The following SAMD11 variants were observed in gnomAD, a reference collection of about 807,000 sequenced individuals.
The protein encoded by SAMD11 is sterile alpha motif domain-containing protein 11.
A neutral mutation model predicts 64.4 loss-of-function variants in SAMD11; 77 were observed. The observed-to-expected ratio is 1.20, with a 90% confidence interval of 0.99 to 1.44. SAMD11 has a LOEUF of 1.44. Among genes scored for constraint, SAMD11 ranks in the 40% most tolerant of loss-of-function variants. The pLI is 0.00. For synonymous variants in SAMD11, 658 were observed against 421.9 expected, an observed-to-expected ratio of 1.56 and a Z score of -6.86; for missense variants, 1,402 against 943.3, an observed-to-expected ratio of 1.49 and a Z score of -6.37.
chr1:936,863 G>C (rs903042235), intron 5 of SAMD11, among the ~76,000 whole-genome samples: 3 of 152,294 alleles, frequency 2.0e-5, no homozygotes, highest in African/African-American at 7.2e-5. Flanking sequence ...AGCGGAGGGA[G>C]CCCCACAATG....
intron 1 of SAMD11, among the ~76,000 whole-genome samples, chr1:925,538 C>T (rs1640840225): frequency 6.6e-6 from 1 of 152,148 alleles, no homozygotes. Flanking sequence ...CGTGGTTCCG[C>T]GGTGGCCGCC....
At chr1:942,300 GA>G (rs1489949613) in intron 9 of SAMD11, 49 bp downstream of exon 9, 1 of 1,039,000 alleles carries the variant, frequency 9.6e-7, no homozygotes, top group African/African-American at 1.7e-5. Flanking sequence ...GAGGCTCGCG[GA>G]CCCGGCCCTG....
chr1:929,626 G>A (rs978162627), intron 2 of SAMD11, among the ~76,000 whole-genome samples: 5 of 152,216 alleles, frequency 3.3e-5, no homozygotes, highest in Non-Finnish European at 4.4e-5. Flanking sequence ...TACACGGAGG[G>A]AACGTGCGCA....
rs757579893 is a variant in SAMD11, at chr1:942,959, G to A, written c.1954G>A (p.Ala652Thr). 3 of 1,545,096 alleles carry A rather than the reference G, an allele frequency of 1.9e-6. No homozygotes were observed. Among genetic ancestry groups the A allele is most frequent in the Non-Finnish European group, 2.6e-6 (3 of 1,146,544 alleles). ...VGCRGPTPGQ[A>T]PAGGAGAEGK... is the part of the protein sequence containing the mutation. ...GTGCAGGGGGCCCACTCCGGGCCAA[G>A]CTCCAGCTGGAGGGGCCGGCGCCGA... The change falls in exon 11 of 14, where the codon GCT (alanine) becomes ACT (threonine). Residue 652 changes from alanine to threonine, a missense_variant. Transcript: ENST00000616016.
chr1:927,756 C>T (rs550781016), intron 2 of SAMD11, among the ~76,000 whole-genome samples: 3 of 152,340 alleles, frequency 2.0e-5, no homozygotes, highest in Admixed American at 6.5e-5. Flanking sequence ...TGTCAGGGGC[C>T]GAGTTTTCAG....
chr1:943,390 C>T lies in SAMD11; in HGVS notation c.2178+13C>T, dbSNP rs753584442. 7 of 1,523,834 alleles carry T rather than the reference C, an allele frequency of 4.6e-6. No individual in the cohort carries two copies. Among genetic ancestry groups the T allele is most frequent in the African/African-American group, 4.2e-5 (3 of 71,872 alleles). The allele number at this position is 1,523,834 out of a possible 1,614,324, so 94.4% of individuals were successfully genotyped here. A position where few individuals can be genotyped will look rare whatever the true frequency, so the allele number is the denominator to read the frequency against. On this transcript the variant is annotated intron_variant, in intron 12 of 13. Transcript: ENST00000616016. ...AGAGTACACTCGGGTAAGGGGGGGC[C>T]CCAGTTCCTGGGGCGGGGCTGGAGC...
chr1:942,569 C>T lies in SAMD11; in HGVS notation c.1564C>T (p.Pro522Ser), dbSNP rs766615594. The T allele has an allele frequency of 2.9e-6, 4 of 1,403,438 alleles. No homozygotes were observed. The highest frequency in any genetic ancestry group is 1.5e-5 in the South Asian group (1 of 64,908). 86.9% of individuals were successfully genotyped at this position (1,403,438 alleles called of 1,614,324 possible). A position where few individuals can be genotyped will look rare whatever the true frequency, so the allele number is the denominator to read the frequency against. ...CTGCCCCCGGCCCAGGCTGGAGCTG[C>T]CCGCCGACCTCCTGCGGCAGAAGGA... ...RKQNLARLEL[P>S]ADLLRQKELE... Residue 522 changes from proline (P) to serine (S), a missense_variant, in exon 11 of 14, where the codon CCC (proline) becomes TCC (serine). Transcript: ENST00000616016.
rs771092037 is a variant in SAMD11, at chr1:943,379, T to A, written c.2178+2T>A. On this transcript the variant is annotated splice_donor_variant, in intron 12 of 13. Coordinates refer to ENST00000616016, the MANE Select transcript of SAMD11 (RefSeq NM_001385641.1). LOFTEE classifies it high-confidence loss of function. ...TCTGGCTGTGGAGAGTACACTCGGG[T>A]AAGGGGGGGCCCCAGTTCCTGGGGC... The A allele has an allele frequency of 6.5e-7, 1 of 1,531,106 alleles. No individual in the cohort carries two copies. Among genetic ancestry groups the A allele is most frequent in the South Asian group, 1.2e-5 (1 of 80,346 alleles). 94.8% of individuals were successfully genotyped at this position (1,531,106 alleles called of 1,614,324 possible).
rs1051721833 is a variant in SAMD11 at position 928,139 on chromosome 1, A to G, written c.610-2016A>G. Among the ~76,000 whole-genome samples the G allele has an allele frequency of 2.4e-4, 36 of 151,946 alleles. No individual in the cohort carries two copies. In the Middle Eastern group the frequency reaches 0.01, roughly 43 times the overall value. On this transcript the variant is annotated intron_variant, in intron 2 of 13. Coordinates refer to ENST00000616016, the MANE Select transcript of SAMD11 (RefSeq NM_001385641.1). ...CCGGGTGTGGTGGCGCATGCCTGTA[A>G]TCCCAGCACTTTGGGAGGCCGAGGC... is the stretch of plus-strand genomic sequence containing the variant.
intron 5 of SAMD11, 28 bp downstream of exon 5, chr1:935,924 G>C: frequency 6.2e-7 from 1 of 1,606,716 alleles, no homozygotes; most frequent in Non-Finnish European, 8.5e-7. Context: ...CCTGAGGGCG[G>C]GGTCGGGGCT....
rs1258682073 is a variant in SAMD11 at position 943,321 on chromosome 1, G to A, written c.2122G>A (p.Val708Met). Residue 708 changes from valine (V) to methionine (M), a missense_variant, in exon 12 of 14, where the codon GTG (valine) becomes ATG (methionine). Val to Met is a conservative substitution (Grantham distance 21). Coordinates refer to ENST00000616016, the MANE Select transcript of SAMD11 (RefSeq NM_001385641.1). ...CCCTGAGGACGTCACCAAGTGGACC[G>A]TGGATGACGTCTGCAGCTTCGTGGG... ...PAPEDVTKWT[V>M]DDVCSFVGGL... The A allele has an allele frequency of 1.2e-6, 2 of 1,609,872 alleles. No homozygotes were observed. The highest frequency in any genetic ancestry group is 1.7e-6 in the Non-Finnish European group (2 of 1,178,166).
intron 12 of SAMD11, 107 bp from the exon 13 acceptor site, chr1:943,591 G>A: frequency 1.9e-6 from 2 of 1,075,762 alleles, no homozygotes; most frequent in Non-Finnish European, 1.2e-6. Context: ...ACAGATCACT[G>A]TTTTTAAAAA....
At chr1:930,363 G>A in intron 3 of SAMD11, 27 bp downstream of exon 3, 2 of 1,576,016 alleles carry the variant, frequency 1.3e-6, no homozygotes, top group African/African-American at 2.7e-5. Flanking sequence ...CGGACAGGAA[G>A]GCGCAAGGCT....
chr1:944,025 TCCC>T lies in SAMD11; in HGVS notation c.2410_2412del (p.Pro804del). ...ACTCGGCACAGGAGAGCAGCCCTTG[TCCC>T]CCACGACGGCCACGTCCCCCTATGG... On this transcript the variant is annotated inframe_deletion, in exon 14 of 14. Coordinates refer to ENST00000616016, the MANE Select transcript of SAMD11 (RefSeq NM_001385641.1). 3 of 1,612,768 alleles carry T rather than the reference TCCC, an allele frequency of 1.9e-6. No individual in the cohort carries two copies. Among genetic ancestry groups the T allele is most frequent in the Non-Finnish European group, 2.5e-6 (3 of 1,179,960 alleles).
At chr1:929,620 CGGAG>C (rs1641074649) in intron 2 of SAMD11, among the ~76,000 whole-genome samples, 1 of 152,194 alleles carries the variant, frequency 6.6e-6, no homozygotes, top group Admixed American at 6.5e-5. Flanking sequence ...GGCAGATACA[CGGAG>C]GGAACGTGCG....
At chr1:932,332 TGCAGCGTCCCTCGGCAGCACTGACG>T (rs1641205907) in intron 4 of SAMD11, among the ~76,000 whole-genome samples, 1 of 152,156 alleles carries the variant, frequency 6.6e-6, no homozygotes, top group Admixed American at 6.5e-5. Context: ...GCCTCGGGAA[TGCAGCGTCCCTCGGCAGCACTGACG>T]GCAGACAGCC....
At chr1:943,639 G>A (rs932355718) in intron 12 of SAMD11, 59 bp from the exon 13 acceptor site, 2 of 1,453,056 alleles carry the variant, frequency 1.4e-6, no homozygotes, top group African/African-American at 1.4e-5. Flanking sequence ...TCTTGGCTCT[G>A]CTGGGCTGGA....
chr1:930,110 C>T (rs1641100596), intron 2 of SAMD11, 45 bp from the exon 3 acceptor site: 2 of 1,530,532 alleles, frequency 1.3e-6, no homozygotes, highest in Non-Finnish European at 1.8e-6. Flanking sequence ...CCTGCCCCAC[C>T]TTCCTCTCCT....
rs949748955 is a variant in SAMD11 at position 924,858 on chromosome 1, C to T, written c.427C>T (p.His143Tyr). The stretch of plus-strand genomic sequence containing the variant: ...GGGCAGCAAGGGCCCGTCCATCCGC[C>T]ACCGCGGCGAGTGGCTCACGCCCAA... ...CQGSKGPSIR[H>Y]RGEWLTPNEF... is the part of the protein sequence containing the mutation. Residue 143 changes from histidine to tyrosine, a missense_variant, in exon 1 of 14, where the codon CAC becomes TAC. His to Tyr is a moderately conservative substitution (Grantham distance 83). Coordinates refer to ENST00000616016, the MANE Select transcript of SAMD11 (RefSeq NM_001385641.1). The T allele has an allele frequency of 1.3e-5, 2 of 152,280 alleles. No individual in the cohort carries two copies. The highest frequency in any genetic ancestry group is 4.8e-5 in the African/African-American group (2 of 41,466). The allele number at this position is 152,280 out of a possible 1,614,324, so 9.4% of individuals were successfully genotyped here.
Sources: allele counts gnomAD v4.1 joint callset (sites outside exome capture counted in the v4.1 genomes callset), GRCh38; gene constraint gnomAD v4.1.1; transcripts MANE v1.5; gene names NCBI Gene and HGNC (gene_info 2026-07-23, HGNC 2026-07-21).